Variants in TNKS observed in about 807,000 individuals in gnomAD.
TNKS encodes the protein tankyrase.
In TNKS, 72 loss-of-function variants were observed where a neutral mutation model predicts 135.8. That is an observed-to-expected ratio of 0.53 (90% CI 0.44 to 0.64). The LOEUF (loss-of-function observed/expected upper bound fraction) is 0.64, where lower values mean the gene tolerates loss of function less well. Among genes scored for constraint, TNKS ranks in the 30% least tolerant of loss-of-function variants. TNKS has a pLI of 0.00. For missense variants in TNKS, 1,769 were observed against 1,674.0 expected (o/e 1.06, Z -0.99); for synonymous variants, 849 against 649.3 (o/e 1.31, Z -4.68).
chr8:9,598,761 GTGTGTATATATA>G (rs1270099724), intron 2 of TNKS, among the ~76,000 whole-genome samples: 2 of 67,252 alleles, frequency 3.0e-5, no homozygotes, highest in African/African-American at 1.1e-4. Context: ...GTATATGTGT[GTGTGTATATATA>G]TATATATATA....
intron 17 of TNKS, among the ~76,000 whole-genome samples, chr8:9,738,958 T>A (rs1805784471): frequency 6.6e-6 from 1 of 151,676 alleles, no homozygotes; most frequent in African/African-American, 2.4e-5. Flanking sequence ...GTATCCTTGT[T>A]GACTTTCTGT....
chr8:9,635,062 C>G (rs932387484), intron 3 of TNKS, among the ~76,000 whole-genome samples: 1 of 151,506 alleles, frequency 6.6e-6, no homozygotes, highest in Non-Finnish European at 1.5e-5. Context: ...CGCGGCCACT[C>G]GGGAGGCTGA....
rs1055066188 is a variant in TNKS at position 9,777,105 on chromosome 8, G to A, written c.*369G>A. 34 of 216,498 alleles carry A rather than the reference G, an allele frequency of 1.6e-4. No individual in the cohort carries two copies. The highest frequency in any genetic ancestry group is 2.4e-4 in the Non-Finnish European group (26 of 106,632). The allele number at this position is 216,498 out of a possible 1,614,324, so 13.4% of individuals were successfully genotyped here. ...CTACATTTGTTTTGTTATGCATGAC[G>A]TGTCTATAACAAATATACACATACG... On this transcript the variant is annotated 3_prime_UTR_variant, in exon 27 of 27. Coordinates refer to ENST00000310430, the MANE Select transcript of TNKS (RefSeq NM_003747.3).
At chr8:9,614,665 C>G (rs139656878) in intron 2 of TNKS, among the ~76,000 whole-genome samples, 64 of 152,284 alleles carry the variant, frequency 4.2e-4, no homozygotes, top group African/African-American at 1.5e-3. Context: ...TGCCTCATAA[C>G]TTACAATTGA....
rs138666473 is a variant in TNKS, at chr8:9,730,377, C to T, written c.2002-513C>T. 3.4e-3 allele frequency among the ~76,000 whole-genome samples: 514 copies of T among 152,262 alleles called. 7 individuals carry two copies. In the Middle Eastern group the frequency reaches 0.037, roughly 11 times the overall value. ...CAAAAGGCAAGTAAAGCACTGTTGA[C>T]GACATAGCTTTGCTACAGTCAATCA... is the stretch of plus-strand genomic sequence containing the variant. On this transcript the variant is annotated intron_variant, in intron 13 of 26. Transcript: ENST00000310430.
rs144663659 is a variant in TNKS at position 9,734,583 on chromosome 8, G to A, written c.2314-282G>A. On this transcript the variant is annotated intron_variant, in intron 15 of 26. Transcript: ENST00000310430. ...AATAGGTTTCCAAAGACAACTTGGAGTCTGAGAAAAAGTGTATTATATAGG... is the reference window on the plus strand; with the variant it reads ...AATAGGTTTCCAAAGACAACTTGGAATCTGAGAAAAAGTGTATTATATAGG... 2.0e-5 allele frequency among the ~76,000 whole-genome samples: 3 copies of A among 152,212 alleles called. No individual in the cohort carries two copies. The East Asian group carries it at 5.8e-4, about 29-fold the overall frequency.
chr8:9,667,688 C>T (rs999877042), intron 3 of TNKS, among the ~76,000 whole-genome samples: 2 of 152,174 alleles, frequency 1.3e-5, no homozygotes, highest in East Asian at 3.8e-4. Flanking sequence ...CCTCAAGAAG[C>T]ACCAATTGTG....
chr8:9,652,095 T>A (rs1312060611), intron 3 of TNKS, among the ~76,000 whole-genome samples: 1 of 152,220 alleles, frequency 6.6e-6, no homozygotes, highest in Non-Finnish European at 1.5e-5. Context: ...TCATCATAGC[T>A]TTTTATAATT....
intron 3 of TNKS, among the ~76,000 whole-genome samples, chr8:9,668,020 C>T (rs184009980): frequency 8.1e-4 from 124 of 152,268 alleles, no homozygotes; most frequent in African/African-American, 2.8e-3. Flanking sequence ...AGCTAGCATG[C>T]TAGCAGTGGC....
rs763429132 is a variant in TNKS at position 9,556,664 on chromosome 8, C to A, written c.673+52C>A. 11 of 1,600,940 alleles carry A rather than the reference C, an allele frequency of 6.9e-6. No homozygotes were observed. The East Asian group carries it at 2.2e-4, about 32-fold the overall frequency. On this transcript the variant is annotated intron_variant, in intron 1 of 26. Coordinates refer to ENST00000310430, the MANE Select transcript of TNKS (RefSeq NM_003747.3). ...AGGGTTATGGGTTTGGGTGCAGGGTCCGGTTAGGACAAGAAAACAGGTTAT... is the reference window on the plus strand; with the variant it reads ...AGGGTTATGGGTTTGGGTGCAGGGTACGGTTAGGACAAGAAAACAGGTTAT...
chr8:9,557,669 C>A (rs554631365), intron 1 of TNKS: 1 of 152,106 alleles, frequency 6.6e-6, no homozygotes, highest in South Asian at 2.1e-4. Flanking sequence ...AGATAACACA[C>A]CAGAGATAAC....
chr8:9,687,101 A>G lies in TNKS; in HGVS notation c.1107+6301A>G, dbSNP rs187119209. ...CCCCTTTAAGAAAGGAAGTGTTAGC[A>G]TTACCTGGGGGTACATATCTGGCTC... On this transcript the variant is annotated intron_variant, in intron 5 of 26. Coordinates refer to ENST00000310430, the MANE Select transcript of TNKS (RefSeq NM_003747.3). Among the ~76,000 whole-genome samples, 300 of 152,272 alleles carry G rather than the reference A, an allele frequency of 2.0e-3. 1 individual carries two copies. The highest frequency in any genetic ancestry group is 6.7e-3 in the African/African-American group (277 of 41,548).
chr8:9,704,360 C>T (rs1393810453), intron 5 of TNKS, among the ~76,000 whole-genome samples: 1 of 151,972 alleles, frequency 6.6e-6, no homozygotes, highest in Non-Finnish European at 1.5e-5. Flanking sequence ...TGTGTCTTCT[C>T]AGAACAGTGA....
intron 3 of TNKS, among the ~76,000 whole-genome samples, chr8:9,652,405 CT>C (rs1221706244): frequency 2.0e-5 from 3 of 152,066 alleles, no homozygotes; most frequent in Admixed American, 6.5e-5. Context: ...AAGGCCCTGT[CT>C]TTTTTTAGCC....
chr8:9,631,116 A>G (rs1047069556), intron 3 of TNKS, among the ~76,000 whole-genome samples: 3 of 152,226 alleles, frequency 2.0e-5, no homozygotes, highest in Non-Finnish European at 2.9e-5. Context: ...TAGAAGCCTC[A>G]TATCTACAAA....
intron 15 of TNKS, among the ~76,000 whole-genome samples, chr8:9,734,214 C>T (rs1331314690): frequency 6.6e-6 from 1 of 152,068 alleles, no homozygotes; most frequent in African/African-American, 2.4e-5. Flanking sequence ...ATCCATTGTC[C>T]ACCTTGACTT....
chr8:9,769,229 A>C (rs1051719070), intron 25 of TNKS, among the ~76,000 whole-genome samples: 2 of 152,216 alleles, frequency 1.3e-5, no homozygotes, highest in African/African-American at 4.8e-5. Context: ...TTGTATTTAC[A>C]AAACCAGATT....
chr8:9,600,802 T>C (rs1370710773), intron 2 of TNKS, among the ~76,000 whole-genome samples: 1 of 152,204 alleles, frequency 6.6e-6, no homozygotes, highest in Non-Finnish European at 1.5e-5. Flanking sequence ...AAGACTTTCA[T>C]ATATGAAAGT....
Position 9,764,722 on chromosome 8 carries a change from A to C in TNKS, c.3379A>C (p.Ser1127Arg). The stretch of plus-strand genomic sequence containing the variant: ...TAGTTATTTTGTTCTGTAGATGCAA[A>C]GTACTATTCGAGAACACAGAGATGG... ...EYQSVEEEMQ[S>R]TIREHRDGGN... The change falls in exon 23 of 27, where the codon AGT becomes CGT. Residue 1127 changes from serine (S) to arginine (R), a missense_variant. Physicochemically the swap from Ser to Arg is moderately radical, Grantham distance 110. This residue lies in a region of TNKS where 722 missense variants were observed against 688.9 expected (regional missense o/e 1.05). Coordinates refer to ENST00000310430, the MANE Select transcript of TNKS (RefSeq NM_003747.3). 1 of 1,594,936 alleles carries C rather than the reference A, an allele frequency of 6.3e-7. No individual in the cohort carries two copies. Among genetic ancestry groups the C allele is most frequent in the Non-Finnish European group, 8.5e-7 (1 of 1,173,938 alleles).
Sources: allele counts gnomAD v4.1 joint callset (sites outside exome capture counted in the v4.1 genomes callset), GRCh38; gene constraint gnomAD v4.1.1; regional missense constraint gnomAD v4.1.1; transcripts MANE v1.5; gene names NCBI Gene and HGNC (gene_info 2026-07-23, HGNC 2026-07-21).